Variants in EPHA7 observed in about 807,000 individuals in gnomAD.
EPHA7 encodes EPH receptor A7, also known as ephrin type-A receptor 7.
A neutral mutation model predicts 112.6 loss-of-function variants in EPHA7; 25 were observed. The ratio of observed to expected loss-of-function variants is 0.22; its 90% confidence interval spans 0.16 to 0.31. EPHA7 has a LOEUF of 0.31. Ranked by LOEUF, EPHA7 falls within the 10% of genes least tolerant of loss-of-function variation. The pLI is 1.00. For synonymous variants in EPHA7, 437 were observed against 406.5 expected (o/e 1.07, Z -0.90); for missense variants, 962 against 1,212.6 (o/e 0.79, Z 3.07).
rs182675934 is a variant in EPHA7, at chr6:93,248,945, C to A, written c.2533-1960G>T. ...TGTATCTACATTTATATATCTTTCT[C>A]TATATATACATATCCCTGAAGTGAT... On this transcript the variant is annotated intron_variant, in intron 14 of 16. Coordinates refer to ENST00000369303, the MANE Select transcript of EPHA7 (RefSeq NM_004440.4). Among the ~76,000 whole-genome samples, 36 of 152,288 alleles carry A rather than the reference C, an allele frequency of 2.4e-4. No homozygotes were observed. The East Asian group carries it at 4.1e-3, about 17-fold the overall frequency.
At chr6:93,418,031 G>A (rs1344532710) in intron 1 of EPHA7, among the ~76,000 whole-genome samples, 1 of 152,034 alleles carries the variant, frequency 6.6e-6, no homozygotes, top group Non-Finnish European at 1.5e-5. Flanking sequence ...CACCCCGCCC[G>A]ATAACCACCA....
chr6:93,402,972 G>A (rs1389690411), intron 3 of EPHA7, among the ~76,000 whole-genome samples: 3 of 151,958 alleles, frequency 2.0e-5, no homozygotes, highest in African/African-American at 7.2e-5. Context: ...GACACATAAA[G>A]ACAGTAAGAA....
chr6:93,387,248 G>A (rs1777652513), intron 3 of EPHA7, among the ~76,000 whole-genome samples: 1 of 151,990 alleles, frequency 6.6e-6, no homozygotes, highest in African/African-American at 2.4e-5. Flanking sequence ...CCAATCTCTA[G>A]GGCAGGAGCA....
Position 93,245,320 on chromosome 6 carries a change from A to G in EPHA7, c.2860T>C (p.Ser954Pro). Residue 954 changes from serine (S) to proline (P), a missense_variant, in exon 16 of 17, where the codon TCA becomes CCA. By Grantham distance (74) the Ser-to-Pro change is moderately conservative. Transcript: ENST00000369303. The part of the protein sequence containing the change: ...FTAAGYNSLE[S>P]VARMTIEDVM... ...TACTCAATAGTCATCCTGGCTACTGATTCAAGGGAATTGTAGCCAGCTGCC... is the reference window on the plus strand; with the variant it reads ...TACTCAATAGTCATCCTGGCTACTGGTTCAAGGGAATTGTAGCCAGCTGCC... 1 of 1,613,238 alleles carries G rather than the reference A, an allele frequency of 6.2e-7. No homozygotes were observed. Among genetic ancestry groups the G allele is most frequent in the Non-Finnish European group, 8.5e-7 (1 of 1,179,818 alleles).
intron 3 of EPHA7, among the ~76,000 whole-genome samples, chr6:93,382,444 G>A (rs763653486): frequency 6.6e-6 from 1 of 152,130 alleles, no homozygotes; most frequent in Admixed American, 6.5e-5. Flanking sequence ...TGCCTGCCCC[G>A]CACATCCTGC....
chr6:93,385,132 T>C (rs1777537044), intron 3 of EPHA7, among the ~76,000 whole-genome samples: 1 of 152,170 alleles, frequency 6.6e-6, no homozygotes, highest in Non-Finnish European at 1.5e-5. Context: ...ATGGCACATT[T>C]ACTATTAGAA....
intron 5 of EPHA7, among the ~76,000 whole-genome samples, chr6:93,354,953 G>A (rs1332080953): frequency 6.6e-6 from 1 of 152,036 alleles, no homozygotes; most frequent in Non-Finnish European, 1.5e-5. Flanking sequence ...TTCTAACTTA[G>A]TAGAACCAAG....
intron 5 of EPHA7, among the ~76,000 whole-genome samples, chr6:93,325,220 C>T (rs1582523633): frequency 6.6e-6 from 1 of 151,266 alleles, no homozygotes; most frequent in South Asian, 2.1e-4. Context: ...AGGACACAAT[C>T]AATGGAATTC....
At chr6:93,319,920 G>T (rs1433351092) in intron 5 of EPHA7, among the ~76,000 whole-genome samples, 1 of 151,936 alleles carries the variant, frequency 6.6e-6, no homozygotes, top group Non-Finnish European at 1.5e-5. Context: ...AATAAAAGTT[G>T]ATTTTATATA....
At position 93,419,452 on chromosome 6, in the gene EPHA7, C is replaced by T. The variant is rs1779420093; in HGVS notation, c.-111G>A. Reference sequence around the variant, plus strand: ...TTATTGTGCTCCTTGCATCGATTCCCCTTCTCGGTCCCCGATCGGCTGCTC... The same window carrying T: ...TTATTGTGCTCCTTGCATCGATTCCTCTTCTCGGTCCCCGATCGGCTGCTC... On this transcript the variant is annotated 5_prime_UTR_variant, in exon 1 of 17. Transcript: ENST00000369303. 1.5e-5 allele frequency: 12 copies of T among 778,568 alleles called. No individual in the cohort carries two copies. In the Middle Eastern group the frequency reaches 8.8e-4, roughly 57 times the overall value. 48.2% of individuals were successfully genotyped at this position (778,568 alleles called of 1,614,324 possible). A position where few individuals can be genotyped will look rare whatever the true frequency, so the allele number is the denominator to read the frequency against.
intron 3 of EPHA7, among the ~76,000 whole-genome samples, chr6:93,394,218 T>C (rs554655637): frequency 1.1e-4 from 16 of 151,948 alleles, no homozygotes; most frequent in Admixed American, 3.3e-4. Context: ...AATGGCTTCA[T>C]TGGCTGAATT....
At chr6:93,308,381 G>A (rs1448801450) in intron 5 of EPHA7, among the ~76,000 whole-genome samples, 1 of 151,984 alleles carries the variant, frequency 6.6e-6, no homozygotes. Context: ...ACAATTAGAA[G>A]CACTACTTTA....
chr6:93,319,088 A>T (rs1773943647), intron 5 of EPHA7, among the ~76,000 whole-genome samples: 2 of 152,250 alleles, frequency 1.3e-5, no homozygotes, highest in African/African-American at 2.4e-5. Flanking sequence ...TTAGGAAGTA[A>T]TATCAAGGAA....
intron 5 of EPHA7, among the ~76,000 whole-genome samples, chr6:93,315,712 G>A (rs1582506813): frequency 1.3e-5 from 2 of 152,272 alleles, no homozygotes; most frequent in African/African-American, 4.8e-5. Context: ...TTCACTCTCT[G>A]CTGATCTTTT....
At chr6:93,306,900 G>A (rs1773287219) in intron 5 of EPHA7, among the ~76,000 whole-genome samples, 1 of 151,850 alleles carries the variant, frequency 6.6e-6, no homozygotes, top group Non-Finnish European at 1.5e-5. Flanking sequence ...CTCTCTTTAT[G>A]AAGATGGATC....
chr6:93,269,411 T>C, intron 7 of EPHA7, 66 bp downstream of exon 7: 8 of 1,380,666 alleles, frequency 5.8e-6, no homozygotes, highest in African/African-American at 1.5e-5. Context: ...CACCTCAATA[T>C]TGAAAAAAAT....
intron 5 of EPHA7, among the ~76,000 whole-genome samples, chr6:93,313,354 T>C (rs183038804): frequency 1.7e-3 from 260 of 152,144 alleles, no homozygotes; most frequent in Non-Finnish European, 2.8e-3. Flanking sequence ...AAAAGTAGCA[T>C]ATAAGATGAA....
At chr6:93,265,428 C>A (rs1261900233) in intron 7 of EPHA7, among the ~76,000 whole-genome samples, 1 of 151,682 alleles carries the variant, frequency 6.6e-6, no homozygotes, top group Non-Finnish European at 1.5e-5. Flanking sequence ...TTAAGGCAAA[C>A]CTGGCTGAAC....
At chr6:93,390,800 T>C (rs545232213) in intron 3 of EPHA7, among the ~76,000 whole-genome samples, 13 of 151,924 alleles carry the variant, frequency 8.6e-5, no homozygotes, top group Non-Finnish European at 1.8e-4. Flanking sequence ...TTAAGTATTT[T>C]TGGCAACCTA....
Sources: gnomAD v4.1 joint callset for allele counts (sites outside exome capture counted in the v4.1 genomes callset) on GRCh38, gnomAD v4.1.1 for gene constraint, MANE v1.5 for transcripts, NCBI Gene and HGNC (gene_info 2026-07-23, HGNC 2026-07-21) for gene names.